FUT8: variants seen among roughly 807,000 people sequenced by gnomAD.
The protein encoded by FUT8 is alpha-(1,6)-fucosyltransferase.
Under a neutral mutation model 71.3 loss-of-function variants are expected in FUT8, and 29 were observed. The ratio of observed to expected loss-of-function variants is 0.41; its 90% CI spans 0.30 to 0.55. The LOEUF is 0.55. FUT8 is among the 20% of genes least tolerant of loss of function. The pLI is 0.34. For synonymous variants in FUT8, 254 were observed against 239.3 expected (o/e 1.06, Z -0.57); for missense variants, 544 against 702.1 (o/e 0.77, Z 2.55).
chr14:65,626,142 C>A (rs1363515886), intron 5 of FUT8, among the ~76,000 whole-genome samples: 1 of 151,884 alleles, frequency 6.6e-6, no homozygotes, highest in Admixed American at 6.6e-5. Context: ...GCTCCTTCCT[C>A]TTGGTAGTAG....
intron 3 of FUT8, 119 bp from the exon 4 acceptor site, chr14:65,615,859 T>C: frequency 1.5e-6 from 1 of 660,714 alleles, no homozygotes; most frequent in South Asian, 2.1e-5. Flanking sequence ...GGTACTACTT[T>C]TGTGCTATAT....
intron 7 of FUT8, among the ~76,000 whole-genome samples, chr14:65,718,754 A>C (rs1222763069): frequency 6.6e-6 from 1 of 152,106 alleles, no homozygotes; most frequent in Non-Finnish European, 1.5e-5. Context: ...CTAGGGTAAA[A>C]GTTTTTTTTC....
At chr14:65,634,084 C>A (rs1461030892) in intron 6 of FUT8, among the ~76,000 whole-genome samples, 1 of 152,186 alleles carries the variant, frequency 6.6e-6, no homozygotes, top group South Asian at 2.1e-4. Flanking sequence ...TCATTGAGAA[C>A]GGGCCATGAT....
chr14:65,612,267 C>T lies in FUT8; in HGVS notation c.204-3711C>T, dbSNP rs990552720. 1.3e-5 allele frequency among the ~76,000 whole-genome samples: 2 copies of T among 151,976 alleles called. 1 individual carries two copies. The highest frequency in any genetic ancestry group is 4.8e-5 in the African/African-American group (2 of 41,368). On this transcript the variant is annotated intron_variant, in intron 3 of 10. Coordinates refer to ENST00000673929, the MANE Select transcript of FUT8 (RefSeq NM_001371533.1). Reference sequence around the variant, plus strand: ...TTATGTTATTTTAAAATAATTTGATCCTATTTTGTCTTTTAATAATTGTTA... The same window carrying T: ...TTATGTTATTTTAAAATAATTTGATTCTATTTTGTCTTTTAATAATTGTTA...
chr14:65,432,896 G>A (rs1595368655), intron 1 of FUT8, among the ~76,000 whole-genome samples: 1 of 152,048 alleles, frequency 6.6e-6, no homozygotes, highest in African/African-American at 2.4e-5. Context: ...AACAGCCCCC[G>A]AGACTGCTCT....
intron 2 of FUT8, among the ~76,000 whole-genome samples, chr14:65,459,019 G>A (rs1477628460): frequency 1.3e-5 from 2 of 152,010 alleles, no homozygotes; most frequent in African/African-American, 4.8e-5. Context: ...AAACTTCTTG[G>A]CTCAAGCGGT....
rs57785724 is a variant in FUT8 at position 65,526,539 on chromosome 14, AT to A, written c.-227-34796del. On this transcript the variant is annotated intron_variant, in intron 2 of 10. Coordinates refer to ENST00000673929, the MANE Select transcript of FUT8 (RefSeq NM_001371533.1). ...CCAATTTACCAGTCTGTGTCTTTTA[AT>A]TGGAGCATTTAGCCCATTTACATTT... Among the ~76,000 whole-genome samples the A allele has an allele frequency of 7.9e-3, 1,200 of 152,256 alleles. 8 individuals are homozygous for A. Among genetic ancestry groups the A allele is most frequent in the African/African-American group, 0.024 (1,003 of 41,540 alleles).
At chr14:65,564,280 G>T (rs984908100) in intron 3 of FUT8, among the ~76,000 whole-genome samples, 7 of 152,106 alleles carry the variant, frequency 4.6e-5, no homozygotes, top group Admixed American at 6.6e-5. Context: ...TAACTAGGTC[G>T]TTTCTTTGAG....
intron 7 of FUT8, among the ~76,000 whole-genome samples, chr14:65,691,494 C>T (rs1451253291): frequency 6.9e-6 from 1 of 144,852 alleles, no homozygotes; most frequent in Non-Finnish European, 1.5e-5. Context: ...AATTATTTAT[C>T]TCCTTTAGCC....
the FUT8 span, among the ~76,000 whole-genome samples, chr14:65,405,054 TTA>T: frequency 6.6e-6 from 1 of 152,188 alleles, no homozygotes; most frequent in African/African-American, 2.4e-5. Context: ...CCAGTCACTA[TTA>T]TGTTATTCCC....
At chr14:65,713,584 A>AT (rs1440360264) in intron 7 of FUT8, among the ~76,000 whole-genome samples, 4 of 151,834 alleles carry the variant, frequency 2.6e-5, no homozygotes, top group Non-Finnish European at 5.9e-5. Flanking sequence ...GAATTTTGAC[A>AT]TTTTTTCTGG....
Position 65,733,356 on chromosome 14 carries a change from TC to T in FUT8, c.1387del (p.Leu463Ter). ...LDIHFLSQAD[F>X]LVCTFSSQVC... is the part of the protein sequence containing the mutation. ...ATACATTTTCTCTCTCAGGCAGACTTCCTAGTGTGTACTTTTTCATCCCAGG... is the reference window on the plus strand; with the variant it reads ...ATACATTTTCTCTCTCAGGCAGACTTCTAGTGTGTACTTTTTCATCCCAGG... On this transcript the variant is annotated frameshift_variant, in exon 10 of 11. Transcript: ENST00000673929. LOFTEE classifies it high-confidence loss of function. The T allele has an allele frequency of 1.3e-6, 2 of 1,594,408 alleles. No homozygotes were observed. The highest frequency in any genetic ancestry group is 1.7e-6 in the Non-Finnish European group (2 of 1,171,366).
In FUT8 at chr14:65,467,166, G is replaced by A. The variant is rs1449184635; in HGVS notation, c.-228+11448G>A. 6.6e-6 allele frequency among the ~76,000 whole-genome samples: 1 copy of A among 151,906 alleles called. No individual in the cohort carries two copies. The highest frequency in any genetic ancestry group is 1.5e-5 in the Non-Finnish European group (1 of 67,972). ...ACATTTCTTGCAAGTCATGTTTATT[G>A]GGTTTCATTTCTCCCAGTTTTTATT... is the stretch of plus-strand genomic sequence containing the variant. On this transcript the variant is annotated intron_variant, in intron 2 of 10. Transcript: ENST00000673929. This position sits in a 1 kb window ranked among gnomAD's most constrained non-coding sequence, Gnocchi z 4.1.
At chr14:65,691,755 G>T (rs549724590) in intron 7 of FUT8, among the ~76,000 whole-genome samples, 1 of 151,700 alleles carries the variant, frequency 6.6e-6, no homozygotes, top group Non-Finnish European at 1.5e-5. Context: ...GCGGCCTTCT[G>T]CAGTGTTTGT....
chr14:65,398,740 A>G, the FUT8 span, among the ~76,000 whole-genome samples: 2 of 151,816 alleles, frequency 1.3e-5, no homozygotes, highest in Non-Finnish European at 2.9e-5. Flanking sequence ...AAAAAAAAAA[A>G]CAAAGAAACA....
At chr14:65,381,540 C>A in the FUT8 span, among the ~76,000 whole-genome samples, 3 of 152,324 alleles carry the variant, frequency 2.0e-5, no homozygotes, top group South Asian at 6.2e-4. Context: ...ACATGGAAAG[C>A]GTCAGTAACT....
intron 6 of FUT8, among the ~76,000 whole-genome samples, chr14:65,639,267 C>T (rs553865176): frequency 7.2e-5 from 11 of 152,174 alleles, no homozygotes; most frequent in Admixed American, 2.6e-4. Flanking sequence ...AGGAAGTTTT[C>T]TAAGCATTAT....
intron 2 of FUT8, among the ~76,000 whole-genome samples, chr14:65,473,492 C>T (rs993504665): frequency 3.9e-5 from 6 of 152,152 alleles, no homozygotes; most frequent in South Asian, 2.1e-4. Flanking sequence ...TACATTGCCA[C>T]GGCAGTTTAC....
intron 6 of FUT8, among the ~76,000 whole-genome samples, chr14:65,656,276 A>G (rs992785682): frequency 6.6e-6 from 1 of 151,050 alleles, no homozygotes; most frequent in Non-Finnish European, 1.5e-5. Flanking sequence ...TACAAAGTCA[A>G]CACACAAATA....
Sources: gnomAD v4.1 joint callset for allele counts (sites outside exome capture counted in the v4.1 genomes callset) on GRCh38, gnomAD v4.1.1 for gene constraint, Gnocchi (gnomAD v3.1) non-coding constraint, MANE v1.5 for transcripts, NCBI Gene and HGNC (gene_info 2026-07-23, HGNC 2026-07-21) for gene names.